ADGRF4: variants seen among roughly 807,000 people sequenced by gnomAD.
The protein encoded by ADGRF4 is adhesion G protein-coupled receptor F4, also known as G-protein coupled receptor PGR18.
ADGRF4 carries 63 observed loss-of-function variants against 58.5 expected under a neutral mutation model. The observed-to-expected ratio is 1.08, with a 90% CI of 0.88 to 1.33. The LOEUF is 1.33. Ranked by LOEUF, ADGRF4 falls within the 40% of genes most tolerant of loss-of-function variation. The pLI, the probability that ADGRF4 is intolerant of heterozygous loss-of-function variation, is 0.00. For synonymous variants in ADGRF4, 313 were observed against 295.4 expected (o/e 1.06, Z -0.61); for missense variants, 931 against 843.9 (o/e 1.10, Z -1.28).
At chr6:47,716,889 G>A (rs1333737053) in intron 7 of ADGRF4, 42 bp downstream of exon 7, 1 of 1,386,040 alleles carries the variant, frequency 7.2e-7, no homozygotes, top group South Asian at 1.2e-5. Context: ...GTTTTCATGT[G>A]GCTGGGGGAA....
At chr6:47,716,147 C>A (rs1772012565) in intron 6 of ADGRF4, among the ~76,000 whole-genome samples, 1 of 152,088 alleles carries the variant, frequency 6.6e-6, no homozygotes, top group Non-Finnish European at 1.5e-5. Context: ...GTGTTTCTCT[C>A]TTCTTGATAG....
chr6:47,708,144 A>G, intron 2 of ADGRF4, 80 bp from the exon 3 acceptor site: 2 of 1,023,114 alleles, frequency 2.0e-6, no homozygotes, highest in East Asian at 2.4e-5. Flanking sequence ...TTCTTTTCAT[A>G]TTCATATGGA....
chr6:47,707,242 A>G lies in ADGRF4; in HGVS notation c.-4A>G, dbSNP rs1440602699. 4 of 1,595,602 alleles carry G rather than the reference A, an allele frequency of 2.5e-6. No homozygotes were observed. In the East Asian group the frequency reaches 6.7e-5, roughly 27 times the overall value. On this transcript the variant is annotated 5_prime_UTR_variant, in exon 2 of 10. An upstream start codon of the reference 5' UTR is lost. Transcript: ENST00000283303. ...TTCTCTATTGCAGGTGAAGATCCTC[A>G]TGTATGAAAATGAAGTCCCAGGCAA...
At chr6:47,715,217 T>A (rs1280934462) in intron 6 of ADGRF4, 40 bp downstream of exon 6, 1 of 1,381,276 alleles carries the variant, frequency 7.2e-7, no homozygotes, top group South Asian at 1.4e-5. Flanking sequence ...TTACTCCGAC[T>A]AGACCACAAA....
intron 8 of ADGRF4, among the ~76,000 whole-genome samples, chr6:47,717,974 G>T (rs1398391881): frequency 1.3e-5 from 2 of 152,194 alleles, no homozygotes; most frequent in Non-Finnish European, 2.9e-5. Flanking sequence ...TTAACCTACA[G>T]ATTCACATTA....
In ADGRF4 at chr6:47,714,344, A is replaced by G; in HGVS notation, c.1099A>G (p.Met367Val). ...ATGGGATGAGAAAGCGTGCCAAATG[A>G]TGTTGGATATCAGGAACGAAGTGAA... ...RRWDEKACQM[M>V]LDIRNEVKCR... The change falls in exon 6 of 10, where the codon ATG becomes GTG. Residue 367 changes from methionine to valine, a missense_variant. Met to Val is a conservative substitution (Grantham distance 21). Coordinates refer to ENST00000283303, the MANE Select transcript of ADGRF4 (RefSeq NM_153838.5). The G allele has an allele frequency of 6.2e-7, 1 of 1,614,148 alleles. No individual in the cohort carries two copies. Among genetic ancestry groups the G allele is most frequent in the Non-Finnish European group, 8.5e-7 (1 of 1,180,006 alleles).
chr6:47,720,607 C>T (rs1001271740), intron 9 of ADGRF4, among the ~76,000 whole-genome samples: 14 of 152,080 alleles, frequency 9.2e-5, no homozygotes, highest in Non-Finnish European at 1.8e-4. Flanking sequence ...ATTGGGAACC[C>T]CATTCTGGGA....
chr6:47,708,377 A>G lies in ADGRF4; in HGVS notation c.148+99A>G, dbSNP rs1771775432. The G allele has an allele frequency of 4.9e-6, 4 of 823,136 alleles. No homozygotes were observed. In the South Asian group the frequency reaches 5.8e-5, roughly 12 times the overall value. The allele number at this position is 823,136 out of a possible 1,614,324, so 51.0% of individuals were successfully genotyped here. A position where few individuals can be genotyped will look rare whatever the true frequency, so the allele number is the denominator to read the frequency against. On this transcript the variant is annotated intron_variant, in intron 3 of 9. Coordinates refer to ENST00000283303, the MANE Select transcript of ADGRF4 (RefSeq NM_153838.5). ...CTTGTCCCCAGACCACAGGCTTTCC[A>G]ACTGAATAGCAATCTCCAGTAAGTC...
At chr6:47,717,478 A>T in intron 8 of ADGRF4, 127 bp downstream of exon 8, 1 of 718,540 alleles carries the variant, frequency 1.4e-6, no homozygotes, top group Middle Eastern at 3.8e-4. Flanking sequence ...TACTTCATTC[A>T]TTCATTTCTT....
chr6:47,698,946 G>T (rs757054312), intron 1 of ADGRF4, among the ~76,000 whole-genome samples, 152 bp downstream of exon 1: 3 of 152,198 alleles, frequency 2.0e-5, no homozygotes, highest in Non-Finnish European at 4.4e-5. Flanking sequence ...TTAGAAATTG[G>T]CTAGCTCAAG....
In ADGRF4 at chr6:47,714,715, G is replaced by A. The variant is rs745471142; in HGVS notation, c.1470G>A (p.Trp490Ter). 1.9e-6 allele frequency: 3 copies of A among 1,613,882 alleles called. No individual in the cohort carries two copies. The highest frequency in any genetic ancestry group is 2.2e-5 in the South Asian group (2 of 91,046). ...SHFFYLSLFF[W>*]MLFKALLIIY... ...TTTTCTACCTCTCTCTGTTTTTCTG[G>A]ATGCTCTTCAAAGCATTGCTCATCA... The change falls in exon 6 of 10, where the codon TGG (tryptophan) becomes TGA (stop). Residue 490 changes from tryptophan to a stop codon, truncating the protein, a stop_gained. Transcript: ENST00000283303. LOFTEE classifies it high-confidence loss of function.
At chr6:47,715,315 G>T in intron 6 of ADGRF4, 138 bp downstream of exon 6, 1 of 682,238 alleles carries the variant, frequency 1.5e-6, no homozygotes, top group Non-Finnish European at 2.4e-6. Context: ...TGGCATCTGT[G>T]ACTGTATTGA....
intron 9 of ADGRF4, among the ~76,000 whole-genome samples, chr6:47,719,300 C>T (rs369652746): frequency 2.6e-5 from 4 of 152,004 alleles, no homozygotes; most frequent in African/African-American, 7.3e-5. Flanking sequence ...GACATACAGT[C>T]GCAGGGAGAG....
chr6:47,707,561 G>T (rs6900318), intron 2 of ADGRF4, among the ~76,000 whole-genome samples: 1 of 152,014 alleles, frequency 6.6e-6, no homozygotes, highest in African/African-American at 2.4e-5. Context: ...AGCTGCAATG[G>T]GAAATGTAGA....
At chr6:47,709,858 T>TTTTTG (rs1771817762) in intron 3 of ADGRF4, among the ~76,000 whole-genome samples, 1 of 151,788 alleles carries the variant, frequency 6.6e-6, no homozygotes, top group Non-Finnish European at 1.5e-5. Flanking sequence ...AGTTTTTTTT[T>TTTTTG]TGTATTTTTG....
chr6:47,709,818 A>G (rs1406775847), intron 3 of ADGRF4, among the ~76,000 whole-genome samples: 1 of 149,920 alleles, frequency 6.7e-6, no homozygotes, highest in Non-Finnish European at 1.5e-5. Context: ...ACTATAAACA[A>G]CTGTTCTTTC....
rs201199029 is a variant in ADGRF4 at position 47,712,307 on chromosome 6, A to G, written c.301-50A>G. The G allele has an allele frequency of 3.2e-5, 50 of 1,583,678 alleles. No homozygotes were observed. The South Asian group carries it at 4.0e-4, about 13-fold the overall frequency. ...TGCTTTAACTCCTTTAGTCTGATAC[A>G]TGGTAGGTACTTAATCATTTTTGAA... On this transcript the variant is annotated intron_variant, in intron 4 of 9. Transcript: ENST00000283303.
intron 3 of ADGRF4, among the ~76,000 whole-genome samples, chr6:47,709,434 A>G (rs1214473263): frequency 6.6e-6 from 1 of 152,148 alleles, no homozygotes; most frequent in Non-Finnish European, 1.5e-5. Flanking sequence ...TGTGACTAAG[A>G]CTCATATGGC....
chr6:47,711,556 G>A (rs549334474), intron 4 of ADGRF4, among the ~76,000 whole-genome samples: 11 of 152,238 alleles, frequency 7.2e-5, no homozygotes, highest in South Asian at 4.2e-4. Flanking sequence ...CCACCGCGCC[G>A]GGCCTTGATA....
Sources: gnomAD v4.1 joint callset for allele counts (sites outside exome capture counted in the v4.1 genomes callset) on GRCh38, gnomAD v4.1.1 for gene constraint, MANE v1.5 for transcripts, NCBI Gene and HGNC (gene_info 2026-07-23, HGNC 2026-07-21) for gene names.